F7: variants seen among roughly 807,000 people sequenced by gnomAD.
F7 encodes coagulation factor VII, also known as FVII coagulation protein.
Under a neutral mutation model 47.5 loss-of-function variants are expected in F7, and 38 were observed. The ratio of observed to expected loss-of-function variants is 0.80; its 90% CI spans 0.62 to 1.05. F7 has a LOEUF of 1.05. Among genes scored for constraint, F7 ranks in the 50% least tolerant of loss-of-function variants. The pLI is 0.00. For missense variants in F7, 575 were observed against 605.4 expected, an observed-to-expected ratio of 0.95 and a Z score of 0.53; for synonymous variants, 244 against 258.5, an observed-to-expected ratio of 0.94 and a Z score of 0.54.
At chr13:113,107,050 A>T (rs1344075041) in intron 1 of F7, 1 of 949,040 alleles carries the variant, frequency 1.1e-6, no homozygotes, top group African/African-American at 1.6e-5. Context: ...GCTCGAGAGG[A>T]AGTGACCGCT....
intron 4 of F7, among the ~76,000 whole-genome samples, chr13:113,115,168 T>G (rs987895611): frequency 1.3e-5 from 2 of 152,056 alleles, no homozygotes; most frequent in South Asian, 2.1e-4. Context: ...CGGTTCTGCT[T>G]CTTCTGTCTG....
chr13:113,113,673 T>G lies in F7; in HGVS notation c.226-79T>G. Reference sequence around the variant, plus strand: ...CCAGGTCCAAGTCCCCCAACCCCAGTTCATGGTGTGTCCAGTGCTTACCGT... The same window carrying G: ...CCAGGTCCAAGTCCCCCAACCCCAGGTCATGGTGTGTCCAGTGCTTACCGT... On this transcript the variant is annotated intron_variant, in intron 2 of 7. Transcript: ENST00000346342. This position sits in a 1 kb window ranked among gnomAD's most constrained non-coding sequence, Gnocchi z 4.1. The G allele has an allele frequency of 6.9e-7, 1 of 1,448,722 alleles. No homozygotes were observed. Among genetic ancestry groups the G allele is most frequent in the Non-Finnish European group, 9.7e-7 (1 of 1,030,160 alleles). The allele number at this position is 1,448,722 out of a possible 1,614,324, so 89.7% of individuals were successfully genotyped here.
intron 2 of F7, among the ~76,000 whole-genome samples, chr13:113,112,262 C>T (rs1201783105): frequency 2.1e-5 from 3 of 144,740 alleles, no homozygotes; most frequent in Admixed American, 1.4e-4. Flanking sequence ...ACTCATAGGT[C>T]ACCTCAGTCT....
Position 113,119,062 on chromosome 13 carries a change from G to A in F7, c.*54G>A. The A allele has an allele frequency of 2.6e-6, 4 of 1,524,822 alleles. No homozygotes were observed. The highest frequency in any genetic ancestry group is 1.4e-5 in the African/African-American group (1 of 73,548). 94.5% of individuals were successfully genotyped at this position (1,524,822 alleles called of 1,614,324 possible). On this transcript the variant is annotated 3_prime_UTR_variant, in exon 8 of 8. Transcript: ENST00000346342. ...GCCAAGGCTGCGTCGAACTGTCCTG[G>A]CACCAAATCCCATATATTCTTCTGC... is the stretch of plus-strand genomic sequence containing the variant.
chr13:113,109,172 A>T (rs1302332365), intron 1 of F7, among the ~76,000 whole-genome samples: 1 of 17,494 alleles, frequency 5.7e-5, no homozygotes, highest in Non-Finnish European at 1.1e-4. Flanking sequence ...GGGCGTGGGT[A>T]TCCCAGAAGT....
At chr13:113,107,226 C>T (rs1273247071) in intron 1 of F7, among the ~76,000 whole-genome samples, 2 of 151,768 alleles carry the variant, frequency 1.3e-5, no homozygotes, top group East Asian at 1.9e-4. Context: ...GCTCTGCTCA[C>T]ACCAGCCTCC....
chr13:113,118,215 G>C (rs1248710885), intron 7 of F7, among the ~76,000 whole-genome samples, 198 bp from the exon 8 acceptor site: 1 of 152,116 alleles, frequency 6.6e-6, no homozygotes, highest in African/African-American at 2.4e-5. Flanking sequence ...ATTCACCCCA[G>C]TTCACTTGTC....
At chr13:113,110,621 C>T (rs1487961625) in intron 1 of F7, 69 bp from the exon 2 acceptor site, 9 of 1,534,340 alleles carry the variant, frequency 5.9e-6, no homozygotes, top group East Asian at 2.5e-5. Flanking sequence ...GCCGCGTGGG[C>T]CGTGGGGCGG....
chr13:113,108,399 T>C (rs369384961), intron 1 of F7, among the ~76,000 whole-genome samples: 8 of 32,316 alleles, frequency 2.5e-4, no homozygotes, highest in African/African-American at 4.7e-4. Context: ...GTCCCGGGGG[T>C]GTGGGTGTCC....
In F7 at chr13:113,116,099, G is replaced by A. The variant is rs145413045; in HGVS notation, c.505+299G>A. On this transcript the variant is annotated intron_variant, in intron 5 of 7. Coordinates refer to ENST00000346342, the MANE Select transcript of F7 (RefSeq NM_019616.4). ...TCCAACTCCCACTCGCAGGACCTCC[G>A]CCAGGGTTCATGAATCTACTTCGGC... 1.3e-4 allele frequency among the ~76,000 whole-genome samples: 20 copies of A among 152,316 alleles called. No homozygotes were observed. The East Asian group carries it at 2.3e-3, about 18-fold the overall frequency.
At chr13:113,108,808 C>A (rs563500595) in intron 1 of F7, among the ~76,000 whole-genome samples, 4 of 38,200 alleles carry the variant, frequency 1.0e-4, no homozygotes, top group African/African-American at 1.9e-4. Flanking sequence ...GTCCCGGGGG[C>A]GTGGGTGTCC....
Position 113,113,821 on chromosome 13 carries a change from C to T in F7, c.251-26C>T. Reference sequence around the variant, plus strand: ...CAGTCCTGCCTGCAACCCTTCTCAGCTTACTGACACCAGCCCACTCCACAG... The same window carrying T: ...CAGTCCTGCCTGCAACCCTTCTCAGTTTACTGACACCAGCCCACTCCACAG... On this transcript the variant is annotated intron_variant, in intron 3 of 7. Transcript: ENST00000346342. The surrounding 1 kb of genome is among the most constrained non-coding windows in gnomAD (Gnocchi z 4.1). 6.2e-7 allele frequency: 1 copy of T among 1,614,214 alleles called. No homozygotes were observed. The highest frequency in any genetic ancestry group is 2.2e-5 in the East Asian group (1 of 44,894).
chr13:113,118,374 G>A, intron 7 of F7, 39 bp from the exon 8 acceptor site: 1 of 1,558,636 alleles, frequency 6.4e-7, no homozygotes, highest in Non-Finnish European at 8.7e-7. Flanking sequence ...TGAGGTGGCA[G>A]GTGGTGGAAA....
chr13:113,106,852 C>A (rs759186656), intron 1 of F7: 1 of 1,602,160 alleles, frequency 6.2e-7, no homozygotes, highest in South Asian at 1.1e-5. Context: ...CAGGCGGGGT[C>A]GCTAAGGCCT....
In F7 at chr13:113,107,306, GGGGCGT is replaced by G. The variant is rs2035982881; in HGVS notation, c.64+1405_64+1410del. Among the ~76,000 whole-genome samples, 3 of 120,144 alleles carry G rather than the reference GGGGCGT, an allele frequency of 2.5e-5. 1 individual carries two copies. The highest frequency in any genetic ancestry group is 9.6e-5 in the African/African-American group (3 of 31,300). 78.8% of individuals were successfully genotyped at this position (120,144 alleles called of 152,430 possible). A position where few individuals can be genotyped will look rare whatever the true frequency, so the allele number is the denominator to read the frequency against. On this transcript the variant is annotated intron_variant, in intron 1 of 7. Coordinates refer to ENST00000346342, the MANE Select transcript of F7 (RefSeq NM_019616.4). ...GTGTCCCAGGAGTGTGGGTGTCCCG[GGGGCGT>G]GGGTGTCCCGGGAGTGTGGGTGTCC...
Position 113,117,552 on chromosome 13 carries a change from G to C in F7, c.695G>C (p.Cys232Ser), listed in dbSNP as rs139958478. ...ATCTGGGTGGTCTCCGCGGCCCACT[G>C]TTTCGACAAAATCAAGAACTGGAGG... ...NTIWVVSAAH[C>S]FDKIKNWRNL... Residue 232 changes from cysteine (C) to serine (S), a missense_variant, in exon 7 of 8, where the codon TGT (cysteine) becomes TCT (serine). Coordinates refer to ENST00000346342, the MANE Select transcript of F7 (RefSeq NM_019616.4). The C allele has an allele frequency of 3.1e-6, 5 of 1,614,028 alleles. No individual in the cohort carries two copies. Among genetic ancestry groups the C allele is most frequent in the African/African-American group, 1.3e-5 (1 of 74,942 alleles).
At position 113,117,061 on chromosome 13, in the gene F7, G is replaced by C. The variant is rs192618736; in HGVS notation, c.615+186G>C. 2.4e-3 allele frequency: 1,527 copies of C among 633,980 alleles called. 1 individual carries two copies. Among genetic ancestry groups the C allele is most frequent in the African/African-American group, 8.8e-3 (485 of 54,932 alleles). 39.3% of individuals were successfully genotyped at this position (633,980 alleles called of 1,614,324 possible). A position where few individuals can be genotyped will look rare whatever the true frequency, so the allele number is the denominator to read the frequency against. On this transcript the variant is annotated intron_variant, in intron 6 of 7. Transcript: ENST00000346342. ...TTTAGTGGGGCAAGGAAGGAGAAAAGAAAACGACACTCACTGAGGGTCTAC... is the reference window on the plus strand; with the variant it reads ...TTTAGTGGGGCAAGGAAGGAGAAAACAAAACGACACTCACTGAGGGTCTAC...
At chr13:113,106,959 A>C in intron 1 of F7, 1 of 1,550,148 alleles carries the variant, frequency 6.5e-7, no homozygotes, top group Middle Eastern at 1.7e-4. Context: ...GTGGGGGCCA[A>C]CATCACCTCC....
intron 1 of F7, among the ~76,000 whole-genome samples, chr13:113,108,691 GA>G: frequency 7.8e-6 from 1 of 127,616 alleles, no homozygotes; most frequent in Non-Finnish European, 1.7e-5. Flanking sequence ...CCAGAAGTGT[GA>G]GTGTCCCGGG....
Sources: allele counts gnomAD v4.1 joint callset (sites outside exome capture counted in the v4.1 genomes callset), GRCh38; gene constraint gnomAD v4.1.1; non-coding constraint Gnocchi (gnomAD v3.1); transcripts MANE v1.5; gene names NCBI Gene and HGNC (gene_info 2026-07-23, HGNC 2026-07-21).